Variants in ETV6 observed in about 807,000 individuals in gnomAD.
ETV6 encodes the protein ETS variant transcription factor 6.
ETV6 carries 16 observed loss-of-function variants against 51.1 expected under a neutral mutation model. That is an observed-to-expected ratio of 0.31 (90% confidence interval 0.21 to 0.48). ETV6 has a LOEUF of 0.48. ETV6 is among the 20% of genes least tolerant of loss of function. The probability of loss-of-function intolerance (pLI) is 0.99; values close to 1 mark genes in which losing one functional copy is unlikely to be tolerated. For missense variants in ETV6, 458 were observed against 594.8 expected (o/e 0.77, Z 2.39); for synonymous variants, 240 against 224.1 (o/e 1.07, Z -0.64).
intron 1 of ETV6, among the ~76,000 whole-genome samples, chr12:11,655,954 T>C (rs1474160363): frequency 6.6e-6 from 1 of 152,244 alleles, no homozygotes; most frequent in African/African-American, 2.4e-5. Context: ...TTAGTGGCCG[T>C]TGTTCTACAA....
chr12:11,687,480 C>A (rs1864657740), intron 1 of ETV6, among the ~76,000 whole-genome samples: 1 of 152,140 alleles, frequency 6.6e-6, no homozygotes, highest in African/African-American at 2.4e-5. Flanking sequence ...CACCCAGCGC[C>A]ACACCCCCTT....
rs555506486 is a variant in ETV6 at position 11,742,243 on chromosome 12, G to A, written c.34-10207G>A. ...TCCATTCTCATTCATTTACTTTTTA[G>A]AATGGTATTAATGCTGGTGGCATTT... On this transcript the variant is annotated intron_variant, in intron 1 of 7. Transcript: ENST00000396373. 9.9e-5 allele frequency among the ~76,000 whole-genome samples: 15 copies of A among 152,264 alleles called. 1 individual carries two copies. The South Asian group carries it at 3.1e-3, about 32-fold the overall frequency.
intron 2 of ETV6, among the ~76,000 whole-genome samples, chr12:11,792,364 C>A (rs1945611879): frequency 6.6e-6 from 1 of 152,150 alleles, no homozygotes; most frequent in Admixed American, 6.5e-5. Flanking sequence ...CTGAATAGGA[C>A]CCACACAACT....
At chr12:11,776,300 A>C (rs1452347284) in intron 2 of ETV6, among the ~76,000 whole-genome samples, 1 of 60,944 alleles carries the variant, frequency 1.6e-5, no homozygotes, top group Non-Finnish European at 4.4e-5. Context: ...CCTTGGCTCA[A>C]TCATTAAATT....
chr12:11,683,108 C>T (rs193212270), intron 1 of ETV6, among the ~76,000 whole-genome samples: 94 of 152,334 alleles, frequency 6.2e-4, no homozygotes, highest in Admixed American at 4.6e-4. Flanking sequence ...GGCTTGAATG[C>T]AGTGGATTGA....
At chr12:11,867,794 A>G (rs1946811496) in intron 4 of ETV6, among the ~76,000 whole-genome samples, 1 of 152,224 alleles carries the variant, frequency 6.6e-6, no homozygotes, top group Non-Finnish European at 1.5e-5. Context: ...AAGCATGCAC[A>G]TCCTTTTGGT....
chr12:11,727,166 G>A (rs1268630212), intron 1 of ETV6, among the ~76,000 whole-genome samples: 2 of 152,220 alleles, frequency 1.3e-5, no homozygotes, highest in Admixed American at 6.5e-5. Context: ...GCTCTGAGGA[G>A]GTCGCCTGCC....
At position 11,891,257 on chromosome 12, in the gene ETV6, G is replaced by A; in HGVS notation, c.*211G>A. 1 of 516,430 alleles carries A rather than the reference G, an allele frequency of 1.9e-6. No individual in the cohort carries two copies. Among genetic ancestry groups the A allele is most frequent in the Non-Finnish European group, 3.5e-6 (1 of 289,098 alleles). 32.0% of individuals were successfully genotyped at this position (516,430 alleles called of 1,614,324 possible). A position where few individuals can be genotyped will look rare whatever the true frequency, so the allele number is the denominator to read the frequency against. ...AGGCGGGGCTGGAATTCTGGCGGAG[G>A]GCATGAGCCTGGGACTCCATGTCAC... On this transcript the variant is annotated 3_prime_UTR_variant, in exon 8 of 8. Transcript: ENST00000396373.
At chr12:11,673,849 C>G (rs1421860831) in intron 1 of ETV6, among the ~76,000 whole-genome samples, 1 of 152,082 alleles carries the variant, frequency 6.6e-6, no homozygotes, top group African/African-American at 2.4e-5. Flanking sequence ...TGTGCGTGGT[C>G]TCTAGACTGA....
intron 1 of ETV6, among the ~76,000 whole-genome samples, chr12:11,737,346 G>A (rs554449732): frequency 3.9e-5 from 6 of 152,192 alleles, no homozygotes; most frequent in Non-Finnish European, 5.9e-5. Context: ...GACTCTGCAC[G>A]CAGTTCTAAG....
At chr12:11,879,912 A>G (rs1355598155) in intron 5 of ETV6, among the ~76,000 whole-genome samples, 1 of 152,112 alleles carries the variant, frequency 6.6e-6, no homozygotes, top group Non-Finnish European at 1.5e-5. Flanking sequence ...AGGCTGAAAA[A>G]TTCCAGGTGA....
chr12:11,802,042 C>T lies in ETV6; in HGVS notation c.164-37098C>T, dbSNP rs138872755. Among the ~76,000 whole-genome samples the T allele has an allele frequency of 5.3e-5, 8 of 152,318 alleles. No homozygotes were observed. In the East Asian group the frequency reaches 1.5e-3, roughly 29 times the overall value. On this transcript the variant is annotated intron_variant, in intron 2 of 7. Coordinates refer to ENST00000396373, the MANE Select transcript of ETV6 (RefSeq NM_001987.5). ...CAGAGCGAGGAACTCTTTGTTTGTG[C>T]AGTAAGGACTTCCTTACAGGAAATT...
intron 4 of ETV6, among the ~76,000 whole-genome samples, chr12:11,866,854 A>G (rs944943850): frequency 1.3e-5 from 2 of 152,248 alleles, no homozygotes; most frequent in East Asian, 3.8e-4. Flanking sequence ...AAGCTTTTAC[A>G]TGCCAATTTA....
chr12:11,668,271 GCAATAA>G (rs896174974), intron 1 of ETV6, among the ~76,000 whole-genome samples: 1 of 152,186 alleles, frequency 6.6e-6, no homozygotes, highest in Non-Finnish European at 1.5e-5. Flanking sequence ...CAATAAGAAT[GCAATAA>G]CAAGTGCCCT....
intron 1 of ETV6, among the ~76,000 whole-genome samples, chr12:11,664,766 T>TA (rs1864165498): frequency 6.6e-6 from 1 of 152,214 alleles, no homozygotes; most frequent in Non-Finnish European, 1.5e-5. Context: ...TTCTCCTCCA[T>TA]ACCGGCTGTC....
chr12:11,731,379 T>C (rs1370815669), intron 1 of ETV6, among the ~76,000 whole-genome samples: 1 of 152,156 alleles, frequency 6.6e-6, no homozygotes, highest in Non-Finnish European at 1.5e-5. Context: ...TTCTACGTAC[T>C]CAAAATTTCA....
At chr12:11,803,989 CAT>C (rs1945790161) in intron 2 of ETV6, among the ~76,000 whole-genome samples, 2 of 152,282 alleles carry the variant, frequency 1.3e-5, no homozygotes, top group African/African-American at 4.8e-5. Context: ...TTCTAAATAT[CAT>C]TATCTTTTTT....
At chr12:11,769,033 GA>G (rs1307217244) in intron 2 of ETV6, 6 of 436,684 alleles carry the variant, frequency 1.4e-5, no homozygotes, top group Admixed American at 8.0e-5. Flanking sequence ...AAGGAACTCA[GA>G]ATAAGAGAGA....
At chr12:11,704,900 A>G (rs1865045126) in intron 1 of ETV6, among the ~76,000 whole-genome samples, 1 of 152,208 alleles carries the variant, frequency 6.6e-6, no homozygotes. Context: ...CACAACATGG[A>G]TAGACCTAGA....
Sources: allele counts gnomAD v4.1 joint callset (sites outside exome capture counted in the v4.1 genomes callset), GRCh38; gene constraint gnomAD v4.1.1; transcripts MANE v1.5; gene names NCBI Gene and HGNC (gene_info 2026-07-23, HGNC 2026-07-21).